SMCHD1: variants seen among roughly 807,000 people sequenced by gnomAD.
SMCHD1 encodes structural maintenance of chromosomes flexible hinge domain-containing protein 1.
In SMCHD1, 78 loss-of-function variants were observed where a neutral mutation model predicts 254.7. That is an observed-to-expected ratio of 0.31 (90% CI 0.26 to 0.37). The LOEUF (loss-of-function observed/expected upper bound fraction) is 0.37. SMCHD1 is among the 10% of genes least tolerant of loss of function. SMCHD1 has a pLI of 1.00. For missense variants in SMCHD1, 1,840 were observed against 2,408.1 expected (o/e 0.76, Z 4.94); for synonymous variants, 766 against 794.9 (o/e 0.96, Z 0.61).
At position 2,662,179 on chromosome 18, in the gene SMCHD1, T is replaced by TA. The variant is rs1169605467; in HGVS notation, c.187-3974dup. The stretch of plus-strand genomic sequence containing the variant: ...AGACTCCGTCTCAAAAAAAAAAAAA[T>TA]AAAATAAATAAATAAATAAATAAAG... On this transcript the variant is annotated intron_variant, in intron 1 of 47. Coordinates refer to ENST00000320876, the MANE Select transcript of SMCHD1 (RefSeq NM_015295.3). Among the ~76,000 whole-genome samples the TA allele has an allele frequency of 2.8e-4, 19 of 68,092 alleles. 1 individual carries two copies. Among genetic ancestry groups the TA allele is most frequent in the South Asian group, 2.4e-3 (6 of 2,552 alleles). The allele number at this position is 68,092 out of a possible 152,430, so 44.7% of individuals were successfully genotyped here.
At chr18:2,754,825 A>ATT (rs200276808) in intron 34 of SMCHD1, among the ~76,000 whole-genome samples, 82 of 146,894 alleles carry the variant, frequency 5.6e-4, no homozygotes, top group African/African-American at 1.1e-3. Flanking sequence ...CGTGGAATTG[A>ATT]TTTTTTTTTT....
At position 2,703,676 on chromosome 18, in the gene SMCHD1, T is replaced by G; in HGVS notation, c.1648-16T>G. The G allele has an allele frequency of 6.3e-7, 1 of 1,592,058 alleles. No individual in the cohort carries two copies. The highest frequency in any genetic ancestry group is 8.5e-7 in the Non-Finnish European group (1 of 1,171,194). Reference sequence around the variant, plus strand: ...GCTAGTAGCTATATTTCATAAAACATTTTAAAATTCTACAGGAACAGCGAA... The same window carrying G: ...GCTAGTAGCTATATTTCATAAAACAGTTTAAAATTCTACAGGAACAGCGAA... On this transcript the variant is annotated splice_polypyrimidine_tract_variant and intron_variant, in intron 12 of 47. Transcript: ENST00000320876.
At chr18:2,682,618 G>C (rs915790882) in intron 5 of SMCHD1, among the ~76,000 whole-genome samples, 1 of 152,148 alleles carries the variant, frequency 6.6e-6, no homozygotes, top group Non-Finnish European at 1.5e-5. Context: ...CACCGCGCCC[G>C]GCCCCCTGAT....
chr18:2,730,320 G>A (rs529925192), intron 24 of SMCHD1, among the ~76,000 whole-genome samples: 107 of 152,156 alleles, frequency 7.0e-4, no homozygotes, highest in African/African-American at 2.5e-3. Flanking sequence ...ACAGGCACCC[G>A]CCACCACGCC....
intron 34 of SMCHD1, among the ~76,000 whole-genome samples, chr18:2,758,346 A>G (rs780600788): frequency 2.0e-5 from 3 of 152,144 alleles, no homozygotes; most frequent in Non-Finnish European, 4.4e-5. Context: ...TTGACATGCC[A>G]GTATCTAGTA....
At chr18:2,677,033 A>G (rs751359458) in intron 5 of SMCHD1, among the ~76,000 whole-genome samples, 5 of 152,104 alleles carry the variant, frequency 3.3e-5, no homozygotes. Context: ...TGTGTTTTTC[A>G]TAATATTTCA....
chr18:2,701,164 GTT>G (rs60371199), intron 12 of SMCHD1: 40 of 196,316 alleles, frequency 2.0e-4, no homozygotes, highest in Middle Eastern at 1.7e-3. Context: ...AGTTTTTTTT[GTT>G]TTTTTTTTTT....
chr18:2,685,898 T>G (rs2074040959), intron 5 of SMCHD1, among the ~76,000 whole-genome samples: 1 of 152,234 alleles, frequency 6.6e-6, no homozygotes, highest in Non-Finnish European at 1.5e-5. Context: ...CTACCTTTTG[T>G]CTTTTGATAA....
chr18:2,768,647 CAG>C (rs1484694431), intron 37 of SMCHD1, among the ~76,000 whole-genome samples: 1 of 114,708 alleles, frequency 8.7e-6, no homozygotes, highest in African/African-American at 2.8e-5. Flanking sequence ...ATATAGTATA[CAG>C]TATATAGTAT....
At position 2,688,628 on chromosome 18, in the gene SMCHD1, A is replaced by G. The variant is rs756110596; in HGVS notation, c.754A>G (p.Met252Val). 6.4e-7 allele frequency: 1 copy of G among 1,561,010 alleles called. No individual in the cohort carries two copies. Residue 252 changes from methionine to valine, a missense_variant and splice_region_variant, in exon 7 of 48, where the codon ATG (methionine) becomes GTG (valine). Met to Val is a conservative substitution (Grantham distance 21). This residue lies in a region of SMCHD1 where 498 missense variants were observed against 743.5 expected (regional missense o/e 0.67). Transcript: ENST00000320876. Reference protein sequence around the residue: ...AVFFVGQSARMISKPADSQDV... With the variant: ...AVFFVGQSARVISKPADSQDV... ...AAGTACTCTTTTTAATATTTAACAG[A>G]TGATAAGCAAACCTGCAGATTCCCA...
chr18:2,738,351 C>T (rs1284015316), intron 25 of SMCHD1, 46 bp from the exon 26 acceptor site: 1 of 1,123,114 alleles, frequency 8.9e-7, no homozygotes, highest in East Asian at 3.3e-5. Context: ...AGTAAGAGAA[C>T]ATTAGACGAA....
At chr18:2,784,363 T>C in intron 44 of SMCHD1, 87 bp from the exon 45 acceptor site, 1 of 1,164,372 alleles carries the variant, frequency 8.6e-7, no homozygotes, top group Non-Finnish European at 1.2e-6. Context: ...CTGTCATTTC[T>C]AATCTCAGAA....
intron 39 of SMCHD1, among the ~76,000 whole-genome samples, chr18:2,770,864 G>A (rs1318087866): frequency 5.9e-5 from 9 of 152,030 alleles, no homozygotes; most frequent in Non-Finnish European, 1.3e-4. Flanking sequence ...CAAGTGATCT[G>A]CCCACCTTGG....
chr18:2,721,569 T>C (rs1474146727), intron 19 of SMCHD1, among the ~76,000 whole-genome samples: 1 of 152,162 alleles, frequency 6.6e-6, no homozygotes, highest in Non-Finnish European at 1.5e-5. Context: ...AAAAAAAAAT[T>C]ATGCTGCTTT....
intron 24 of SMCHD1, among the ~76,000 whole-genome samples, chr18:2,730,327 C>T (rs1288952581): frequency 4.6e-5 from 7 of 152,104 alleles, no homozygotes; most frequent in African/African-American, 1.2e-4. Flanking sequence ...CCCGCCACCA[C>T]GCCTGACTGA....
intron 10 of SMCHD1, among the ~76,000 whole-genome samples, chr18:2,700,159 A>C (rs12969980): frequency 2.3e-3 from 345 of 152,366 alleles, no homozygotes; most frequent in Admixed American, 4.8e-3. Context: ...GATGACTTTC[A>C]TGTGAACATA....
At chr18:2,736,623 G>C (rs552727599) in intron 25 of SMCHD1, among the ~76,000 whole-genome samples, 2 of 152,148 alleles carry the variant, frequency 1.3e-5, no homozygotes, top group South Asian at 4.1e-4. Context: ...AGACATACAT[G>C]TGGTCAGCAA....
intron 1 of SMCHD1, among the ~76,000 whole-genome samples, chr18:2,663,020 A>G (rs1568072197): frequency 1.3e-5 from 2 of 152,140 alleles, no homozygotes; most frequent in East Asian, 3.8e-4. Flanking sequence ...TGCCTACCTG[A>G]TGAGAATAAG....
In SMCHD1 at chr18:2,763,901, C is replaced by T. The variant is rs553769397; in HGVS notation, c.4719+112C>T. 8 of 980,820 alleles carry T rather than the reference C, an allele frequency of 8.2e-6. No individual in the cohort carries two copies. The Admixed American group carries it at 2.4e-4, about 30-fold the overall frequency. 60.8% of individuals were successfully genotyped at this position (980,820 alleles called of 1,614,324 possible). A position where few individuals can be genotyped will look rare whatever the true frequency, so the allele number is the denominator to read the frequency against. On this transcript the variant is annotated intron_variant, in intron 37 of 47. Transcript: ENST00000320876. The stretch of plus-strand genomic sequence containing the variant: ...CTATGAAGATGTTCTAATCATAGCA[C>T]TAAATTGGGAAGTCAGCTGAAATAT...
Sources: gnomAD v4.1 joint callset for allele counts (sites outside exome capture counted in the v4.1 genomes callset) on GRCh38, gnomAD v4.1.1 for gene constraint, gnomAD v4.1.1 regional missense constraint, MANE v1.5 for transcripts, NCBI Gene and HGNC (gene_info 2026-07-23, HGNC 2026-07-21) for gene names.